Variants in CSF2RA observed in about 807,000 individuals in gnomAD.
CSF2RA encodes the protein colony stimulating factor 2 receptor subunit alpha.
CSF2RA carries 42 observed loss-of-function variants against 51.6 expected under a neutral mutation model. The observed-to-expected ratio is 0.81, with a 90% CI of 0.64 to 1.05. CSF2RA has a LOEUF of 1.05. Ranked by LOEUF, CSF2RA falls within the 50% of genes least tolerant of loss-of-function variation. The probability of loss-of-function intolerance (pLI) is 0.00; values close to 1 mark genes in which losing one functional copy is unlikely to be tolerated. For missense variants in CSF2RA, 530 were observed against 501.1 expected, an observed-to-expected ratio of 1.06 and a Z score of -0.55; for synonymous variants, 222 against 193.0, an observed-to-expected ratio of 1.15 and a Z score of -1.24.
At chrX:1,302,583 C>T (rs1402944298) in intron 10 of CSF2RA, among the ~76,000 whole-genome samples, 1 of 152,118 alleles carries the variant, frequency 6.6e-6, no homozygotes, top group African/African-American at 2.4e-5. Context: ...CAGCTCACTA[C>T]AACCTCTGCC....
At chrX:1,303,604 A>C (rs1319905765) in intron 10 of CSF2RA, among the ~76,000 whole-genome samples, 1 of 151,450 alleles carries the variant, frequency 6.6e-6, no homozygotes. Flanking sequence ...TCGAACTCCC[A>C]ACCTCAGGTG....
chrX:1,278,833 T>C (rs2089529882), intron 2 of CSF2RA, among the ~76,000 whole-genome samples: 1 of 149,520 alleles, frequency 6.7e-6, no homozygotes, highest in African/African-American at 2.5e-5. Flanking sequence ...AGGTCAGAAG[T>C]TCGAGACCAG....
At chrX:1,298,850 A>G (rs2148569316) in intron 9 of CSF2RA, among the ~76,000 whole-genome samples, 1 of 152,166 alleles carries the variant, frequency 6.6e-6, no homozygotes, top group South Asian at 2.1e-4. Flanking sequence ...CCCTAGACCC[A>G]GTGTAGACAA....
chrX:1,308,753 G>A (rs1219786590), intron 12 of CSF2RA, among the ~76,000 whole-genome samples: 3 of 151,928 alleles, frequency 2.0e-5, no homozygotes, highest in Non-Finnish European at 4.4e-5. Context: ...CCCCCACATC[G>A]AGGTGCCAGG....
chrX:1,310,633 A>C (rs1348871411), downstream of CSF2RA, among the ~76,000 whole-genome samples: 1 of 147,808 alleles, frequency 6.8e-6, no homozygotes, highest in African/African-American at 2.5e-5. Flanking sequence ...ACAACACCGC[A>C]CTCCAGCGTG....
the CSF2RA span, among the ~76,000 whole-genome samples, chrX:1,321,552 G>A: frequency 6.6e-6 from 1 of 151,004 alleles, no homozygotes; most frequent in South Asian, 2.1e-4. Flanking sequence ...TCCAGCCTGG[G>A]GGACAGAGCG....
intron 1 of CSF2RA, among the ~76,000 whole-genome samples, chrX:1,269,284 C>T (rs1238496817): frequency 6.6e-6 from 1 of 152,014 alleles, no homozygotes; most frequent in African/African-American, 2.4e-5. Flanking sequence ...ACGGAATTAT[C>T]ACGTGAATTC....
chrX:1,314,832 G>A (rs375878662), downstream of CSF2RA, among the ~76,000 whole-genome samples: 6 of 48,750 alleles, frequency 1.2e-4, no homozygotes, highest in African/African-American at 3.5e-4. Flanking sequence ...CTGCCCAACC[G>A]CACTGCACCT....
At chrX:1,283,140 T>A (rs2090239410) in intron 3 of CSF2RA, among the ~76,000 whole-genome samples, 1 of 84,302 alleles carries the variant, frequency 1.2e-5, no homozygotes, top group Non-Finnish European at 2.5e-5. Flanking sequence ...CCTTCCTTCC[T>A]TCCTTCCTTC....
At chrX:1,294,188 T>C (rs764625908) in intron 7 of CSF2RA, 140 bp from the exon 8 acceptor site, 66 of 1,048,454 alleles carry the variant, frequency 6.3e-5, no homozygotes, top group African/African-American at 4.9e-4. Flanking sequence ...CACCTCCACC[T>C]GGACCCAGTG....
chrX:1,317,576 T>A, the CSF2RA span, among the ~76,000 whole-genome samples: 18 of 145,940 alleles, frequency 1.2e-4, no homozygotes, highest in Non-Finnish European at 3.0e-5. Context: ...TTATTTTATT[T>A]TTTTTTTTTG....
chrX:1,306,042 A>G (rs2083532949), intron 12 of CSF2RA: 2 of 458,716 alleles, frequency 4.4e-6, no homozygotes, highest in Non-Finnish European at 8.0e-6. Context: ...AGATCGCACC[A>G]CTGCACTCCA....
the CSF2RA span, among the ~76,000 whole-genome samples, chrX:1,323,912 G>A: frequency 1.3e-5 from 2 of 152,180 alleles, no homozygotes; most frequent in African/African-American, 2.4e-5. Context: ...TACTCGGGAG[G>A]CTGAGGCAGG....
chrX:1,279,019 AGAG>A (rs2089559218), intron 2 of CSF2RA, among the ~76,000 whole-genome samples: 1 of 151,676 alleles, frequency 6.6e-6, no homozygotes, highest in African/African-American at 2.4e-5. Flanking sequence ...CCTGGGCGAC[AGAG>A]TGAGACTCCA....
rs188953226 is a variant in CSF2RA at position 1,298,705 on chromosome X, T to A, written c.811-1786T>A. 7.8e-5 allele frequency among the ~76,000 whole-genome samples: 2 copies of A among 25,570 alleles called. 1 individual carries two copies. Among genetic ancestry groups the A allele is most frequent in the African/African-American group, 2.1e-4 (2 of 9,574 alleles). 16.8% of individuals were successfully genotyped at this position (25,570 alleles called of 152,430 possible). A position where few individuals can be genotyped will look rare whatever the true frequency, so the allele number is the denominator to read the frequency against. Reference sequence around the variant, plus strand: ...ACACTCTCCTACCCATGACCTCTGGTGGAACCCTACAGTCCCCTACTCACG... The same window carrying A: ...ACACTCTCCTACCCATGACCTCTGGAGGAACCCTACAGTCCCCTACTCACG... On this transcript the variant is annotated intron_variant, in intron 9 of 12. Coordinates refer to ENST00000381529, the MANE Select transcript of CSF2RA (RefSeq NM_172245.4).
chrX:1,272,566 C>A (rs1452910014), intron 1 of CSF2RA, among the ~76,000 whole-genome samples: 7 of 151,940 alleles, frequency 4.6e-5, no homozygotes, highest in Non-Finnish European at 1.0e-4. Context: ...CAGCTCACTG[C>A]AACCTCCACC....
chrX:1,318,414 C>T, the CSF2RA span, among the ~76,000 whole-genome samples: 3 of 151,754 alleles, frequency 2.0e-5, no homozygotes, highest in Admixed American at 6.6e-5. Context: ...CCGCCCACCT[C>T]GGCCTCCCAA....
rs1428383314 is a variant in CSF2RA at position 1,288,790 on chromosome X, C to T, written c.375C>T (p.Ser125=). Reference sequence around the variant, plus strand: ...AGGGTACCGCTGCTCAGAATTTCTCCTGTTTCATCTACAATGCGGATTTAA... The same window carrying T: ...AGGGTACCGCTGCTCAGAATTTCTCTTGTTTCATCTACAATGCGGATTTAA... ...GREGTAAQNF[S]CFIYNADLMN... is the part of the protein sequence containing the mutation. Residue 125 remains serine (S), a synonymous_variant, in exon 6 of 13, where the codon TCC becomes TCT. Coordinates refer to ENST00000381529, the MANE Select transcript of CSF2RA (RefSeq NM_172245.4). 1.2e-6 allele frequency: 2 copies of T among 1,613,928 alleles called. No individual in the cohort carries two copies. Among genetic ancestry groups the T allele is most frequent in the Non-Finnish European group, 1.7e-6 (2 of 1,179,862 alleles).
intron 3 of CSF2RA, among the ~76,000 whole-genome samples, chrX:1,285,303 C>G (rs781052385): frequency 1.3e-5 from 2 of 148,224 alleles, no homozygotes; most frequent in South Asian, 4.4e-4. Context: ...GAACAGATAC[C>G]TGAGGATGTG....
Sources: allele counts gnomAD v4.1 joint callset (sites outside exome capture counted in the v4.1 genomes callset), GRCh38; gene constraint gnomAD v4.1.1; transcripts MANE v1.5; gene names NCBI Gene and HGNC (gene_info 2026-07-23, HGNC 2026-07-21).